The following A1CF variants were observed in gnomAD, a reference collection of about 807,000 sequenced individuals.
A1CF encodes the protein APOBEC-1 stimulating protein.
Under a neutral mutation model 68.9 loss-of-function variants are expected in A1CF, and 48 were observed. The ratio of observed to expected loss-of-function variants is 0.70; its 90% CI spans 0.55 to 0.89. The LOEUF is 0.89. Ranked by LOEUF, A1CF falls within the 40% of genes least tolerant of loss-of-function variation. The pLI is 0.00. For missense variants in A1CF, 653 were observed against 718.9 expected (o/e 0.91, Z 1.05); for synonymous variants, 272 against 260.4 (o/e 1.04, Z -0.43).
intron 1 of A1CF, among the ~76,000 whole-genome samples, chr10:50,874,052 C>A (rs540492040): frequency 4.3e-4 from 66 of 152,086 alleles, no homozygotes; most frequent in African/African-American, 1.5e-3. Flanking sequence ...TTAAAACATG[C>A]AAGGGGTAGA....
At chr10:50,866,213 G>A (rs1029112574) in intron 1 of A1CF, among the ~76,000 whole-genome samples, 2 of 152,174 alleles carry the variant, frequency 1.3e-5, no homozygotes, top group African/African-American at 4.8e-5. Flanking sequence ...TCATACTTGT[G>A]AGAGAGACAA....
chr10:50,832,588 T>G (rs933713702), intron 6 of A1CF, among the ~76,000 whole-genome samples: 4 of 152,170 alleles, frequency 2.6e-5, no homozygotes, highest in African/African-American at 7.2e-5. Context: ...CTGGTGAAAG[T>G]GAGTGTTACA....
intron 3 of A1CF, among the ~76,000 whole-genome samples, chr10:50,853,674 T>C (rs1000143023): frequency 6.6e-6 from 1 of 151,882 alleles, no homozygotes; most frequent in African/African-American, 2.4e-5. Context: ...AAATACTAAA[T>C]TAAAGAATTT....
Position 50,816,018 on chromosome 10 carries a change from G to A in A1CF, c.1129C>T (p.Pro377Ser), listed in dbSNP as rs1564497260. ...TGACTGGTGTTACCTCTAACAGAAGGGGCTCGGATAATGGCTCTGTTGCTG... is the reference window on the plus strand; with the variant it reads ...TGACTGGTGTTACCTCTAACAGAAGAGGCTCGGATAATGGCTCTGTTGCTG... ...HLSNRAIIRA[P>S]SVRGAAGVRG... Residue 377 changes from proline (P) to serine (S), a missense_variant, in exon 9 of 13, where the codon CCT becomes TCT. Physicochemically the swap from Pro to Ser is moderately conservative, Grantham distance 74. Transcript: ENST00000373997. The A allele has an allele frequency of 6.2e-7, 1 of 1,613,570 alleles. No individual in the cohort carries two copies. The highest frequency in any genetic ancestry group is 8.5e-7 in the Non-Finnish European group (1 of 1,179,650).
intron 1 of A1CF, among the ~76,000 whole-genome samples, chr10:50,882,588 G>A (rs1185820623): frequency 6.6e-6 from 1 of 152,036 alleles, no homozygotes; most frequent in Non-Finnish European, 1.5e-5. Context: ...AGGAGCAGAT[G>A]GGATACAGAT....
At chr10:50,861,838 G>A (rs549672357) in intron 2 of A1CF, among the ~76,000 whole-genome samples, 6 of 147,960 alleles carry the variant, frequency 4.1e-5, no homozygotes, top group African/African-American at 1.2e-4. Flanking sequence ...AGTAGCAATA[G>A]TAATATTAAT....
intron 3 of A1CF, among the ~76,000 whole-genome samples, chr10:50,852,061 C>T (rs1044160502): frequency 3.9e-5 from 6 of 152,184 alleles, no homozygotes; most frequent in Non-Finnish European, 5.9e-5. Context: ...AATTTGTCAG[C>T]GTGCGCAGTC....
intron 3 of A1CF, among the ~76,000 whole-genome samples, chr10:50,848,691 C>T (rs1840105029): frequency 6.6e-6 from 1 of 152,164 alleles, no homozygotes; most frequent in South Asian, 2.1e-4. Context: ...TCTCCCCTCT[C>T]TCTAAGAGGG....
chr10:50,810,929 C>T (rs974985118), intron 11 of A1CF, 111 bp downstream of exon 11: 2 of 1,230,064 alleles, frequency 1.6e-6, no homozygotes, highest in African/African-American at 3.1e-5. Flanking sequence ...CATTGAATGA[C>T]AAATGAGTAG....
rs1489716723 is a variant in A1CF at position 50,833,968 on chromosome 10, T to A, written c.604+2106A>T. Among the ~76,000 whole-genome samples, 3 of 152,150 alleles carry A rather than the reference T, an allele frequency of 2.0e-5. No homozygotes were observed. In the East Asian group the frequency reaches 5.8e-4, roughly 29 times the overall value. Reference sequence around the variant, plus strand: ...ACGGGGAGGGGAGGCAGCCTCCCTATGGCATATCCTGGACAGAGAATCCAC... The same window carrying A: ...ACGGGGAGGGGAGGCAGCCTCCCTAAGGCATATCCTGGACAGAGAATCCAC... On this transcript the variant is annotated intron_variant, in intron 6 of 12. Coordinates refer to ENST00000373997, the MANE Select transcript of A1CF (RefSeq NM_014576.4).
At chr10:50,876,908 G>A (rs549883501) in intron 1 of A1CF, among the ~76,000 whole-genome samples, 1 of 152,164 alleles carries the variant, frequency 6.6e-6, no homozygotes, top group South Asian at 2.1e-4. Flanking sequence ...CATATACTAT[G>A]TTTTCTTCTA....
At chr10:50,885,369 G>A (rs1841958229) in intron 1 of A1CF, among the ~76,000 whole-genome samples, 1 of 152,032 alleles carries the variant, frequency 6.6e-6, no homozygotes, top group Non-Finnish European at 1.5e-5. Flanking sequence ...ATTAAATCCT[G>A]GCAGCTATCT....
intron 1 of A1CF, among the ~76,000 whole-genome samples, chr10:50,867,611 C>T (rs1025593072): frequency 9.9e-5 from 15 of 151,958 alleles, no homozygotes; most frequent in Non-Finnish European, 1.9e-4. Flanking sequence ...TGATGGATAC[C>T]CTAAAAGTCT....
At chr10:50,832,983 C>A (rs1345757283) in intron 6 of A1CF, among the ~76,000 whole-genome samples, 1 of 151,978 alleles carries the variant, frequency 6.6e-6, no homozygotes, top group Non-Finnish European at 1.5e-5. Context: ...ATTTACATGC[C>A]ATGAAGATGA....
At chr10:50,843,917 A>T in intron 4 of A1CF, 71 bp downstream of exon 4, 1 of 1,578,864 alleles carries the variant, frequency 6.3e-7, no homozygotes, top group Non-Finnish European at 8.6e-7. Flanking sequence ...GCTGAGAATG[A>T]AAGCAAAGTG....
At chr10:50,838,219 G>T (rs868064667) in intron 5 of A1CF, among the ~76,000 whole-genome samples, 2 of 152,144 alleles carry the variant, frequency 1.3e-5, no homozygotes, top group Non-Finnish European at 2.9e-5. Flanking sequence ...TTCTGACCAG[G>T]GTTAGGCCAC....
At chr10:50,821,377 G>A (rs1838664478) in intron 7 of A1CF, among the ~76,000 whole-genome samples, 2 of 152,086 alleles carry the variant, frequency 1.3e-5, no homozygotes, top group African/African-American at 2.4e-5. Context: ...CATGTACAAG[G>A]ATCATGCATA....
chr10:50,865,267 T>A (rs1270100416), intron 1 of A1CF, among the ~76,000 whole-genome samples: 1 of 150,956 alleles, frequency 6.6e-6, no homozygotes. Flanking sequence ...TCAAAGGTAC[T>A]CCTACTACTA....
At chr10:50,812,821 T>C (rs1838182188) in intron 10 of A1CF, among the ~76,000 whole-genome samples, 1 of 152,220 alleles carries the variant, frequency 6.6e-6, no homozygotes, top group Admixed American at 6.5e-5. Context: ...ATAAGAGAAG[T>C]TTACTAAATC....
Sources: gnomAD v4.1 joint callset for allele counts (sites outside exome capture counted in the v4.1 genomes callset) on GRCh38, gnomAD v4.1.1 for gene constraint, MANE v1.5 for transcripts, NCBI Gene and HGNC (gene_info 2026-07-23, HGNC 2026-07-21) for gene names.